GAB2: variants seen among roughly 807,000 people sequenced by gnomAD.
GAB2 encodes the protein GRB2-associated-binding protein 2.
A neutral mutation model predicts 65.5 loss-of-function variants in GAB2; 26 were observed. The ratio of observed to expected loss-of-function variants is 0.40; its 90% confidence interval spans 0.29 to 0.55. The LOEUF (loss-of-function observed/expected upper bound fraction) is 0.55, where lower values mean the gene tolerates loss of function less well. Among genes scored for constraint, GAB2 ranks in the 20% least tolerant of loss-of-function variants. The pLI is 0.53. For synonymous variants in GAB2, 321 were observed against 329.6 expected (o/e 0.97, Z 0.28); for missense variants, 884 against 875.8 (o/e 1.01, Z -0.12).
intron 1 of GAB2, among the ~76,000 whole-genome samples, chr11:78,331,902 C>T (rs1037095709): frequency 7.9e-5 from 12 of 152,036 alleles, no homozygotes; most frequent in Admixed American, 7.9e-4. Context: ...ATCCGGACCT[C>T]GTAAATGAAA....
At chr11:78,302,960 T>C (rs1021878630) in intron 1 of GAB2, among the ~76,000 whole-genome samples, 16 of 152,342 alleles carry the variant, frequency 1.1e-4, no homozygotes, top group Middle Eastern at 6.8e-3. Context: ...CCAAACATTG[T>C]ATGTTCTCAT....
At chr11:78,349,327 C>CA (rs1591057483) in intron 1 of GAB2, among the ~76,000 whole-genome samples, 1 of 151,962 alleles carries the variant, frequency 6.6e-6, no homozygotes, top group African/African-American at 2.4e-5. Context: ...AGTGGTATTG[C>CA]AAAAAACATT....
chr11:78,283,780 TCC>T (rs1446207315), intron 1 of GAB2, among the ~76,000 whole-genome samples: 1 of 152,074 alleles, frequency 6.6e-6, no homozygotes, highest in East Asian at 1.9e-4. Context: ...CTCTCAACTC[TCC>T]TTCTATCTAC....
intron 1 of GAB2, among the ~76,000 whole-genome samples, chr11:78,297,908 G>C (rs1399964024): frequency 6.6e-6 from 1 of 152,096 alleles, no homozygotes; most frequent in Non-Finnish European, 1.5e-5. Context: ...CAAATGCTTA[G>C]AAAAGCATTT....
chr11:78,322,998 A>G (rs1019387784), intron 1 of GAB2, among the ~76,000 whole-genome samples: 1 of 151,184 alleles, frequency 6.6e-6, no homozygotes, highest in African/African-American at 2.4e-5. Flanking sequence ...AAATTATTCT[A>G]CCAGAAAGAC....
chr11:78,325,143 TGTCAA>T (rs1241720003), intron 1 of GAB2, among the ~76,000 whole-genome samples: 2 of 152,226 alleles, frequency 1.3e-5, no homozygotes, highest in East Asian at 3.8e-4. Context: ...TTATCTTGTT[TGTCAA>T]GTCCCATCCA....
chr11:78,244,898 A>G (rs1192741625), intron 3 of GAB2, among the ~76,000 whole-genome samples: 2 of 152,216 alleles, frequency 1.3e-5, no homozygotes, highest in East Asian at 3.8e-4. Context: ...AAAACTAACA[A>G]TAGAACTACC....
chr11:78,299,852 G>C (rs935683246), intron 1 of GAB2, among the ~76,000 whole-genome samples: 2 of 152,182 alleles, frequency 1.3e-5, no homozygotes, highest in African/African-American at 4.8e-5. Flanking sequence ...GGAGCTATTG[G>C]AAAGGCTTTT....
Position 78,225,104 on chromosome 11 carries a change from T to G in GAB2, c.1302+4A>C. The G allele has an allele frequency of 6.2e-7, 1 of 1,601,902 alleles. No homozygotes were observed. The highest frequency in any genetic ancestry group is 1.3e-5 in the African/African-American group (1 of 74,682). On this transcript the variant is annotated splice_donor_region_variant and intron_variant, in intron 5 of 9. Coordinates refer to ENST00000361507, the MANE Select transcript of GAB2 (RefSeq NM_080491.3). ...TGAGGACCCTTGGGTTAACCCACAC[T>G]CACCAGGAAAGAGCCAACTCCATCA...
At position 78,216,464 on chromosome 11, in the gene GAB2, C is replaced by G. The variant is rs975364921; in HGVS notation, c.*2808G>C. On this transcript the variant is annotated 3_prime_UTR_variant, in exon 10 of 10. Coordinates refer to ENST00000361507, the MANE Select transcript of GAB2 (RefSeq NM_080491.3). The stretch of plus-strand genomic sequence containing the variant: ...GTGGAGGGTGGGGATATGCTAGATA[C>G]GGCTGGTAGTTTGGGGCCTGTGAGC... 1 of 152,160 alleles carries G rather than the reference C, an allele frequency of 6.6e-6. No homozygotes were observed. The highest frequency in any genetic ancestry group is 1.5e-5 in the Non-Finnish European group (1 of 68,030). The allele number at this position is 152,160 out of a possible 1,614,324, so 9.4% of individuals were successfully genotyped here. A position where few individuals can be genotyped will look rare whatever the true frequency, so the allele number is the denominator to read the frequency against.
intron 2 of GAB2, among the ~76,000 whole-genome samples, chr11:78,277,635 C>T (rs1418056327): frequency 6.6e-6 from 1 of 152,216 alleles, no homozygotes; most frequent in African/African-American, 2.4e-5. Context: ...CTCAAGTGGG[C>T]ATGTGTACAG....
intron 1 of GAB2, among the ~76,000 whole-genome samples, chr11:78,312,592 A>AT (rs1233378901): frequency 6.6e-6 from 1 of 151,668 alleles, no homozygotes. Flanking sequence ...TGCCCCGCTA[A>AT]TTTTTTTTGT....
intron 3 of GAB2, among the ~76,000 whole-genome samples, chr11:78,238,972 A>T (rs1865059081): frequency 6.6e-6 from 1 of 152,162 alleles, no homozygotes; most frequent in African/African-American, 2.4e-5. Context: ...CTTGAAATAG[A>T]TATTTCTCCA....
rs1445483254 is a variant in GAB2, at chr11:78,280,846, T to C, written c.131A>G (p.Asp44Gly). ...LRSGRMSGDP[D>G]VLEYYKNDHS... The stretch of plus-strand genomic sequence containing the variant: ...ATCGTTCTTGTAGTATTCCAGAACA[T>C]CTGGGTCACCGCTCATCCGGCCACT... Residue 44 changes from aspartate to glycine, a missense_variant, in exon 2 of 10, where the codon GAT (aspartate) becomes GGT (glycine). Asp to Gly is a moderately conservative substitution (Grantham distance 94). Coordinates refer to ENST00000361507, the MANE Select transcript of GAB2 (RefSeq NM_080491.3). The C allele has an allele frequency of 6.2e-7, 1 of 1,613,956 alleles. No individual in the cohort carries two copies. The highest frequency in any genetic ancestry group is 1.1e-5 in the South Asian group (1 of 91,090).
At chr11:78,372,520 A>G (rs1435330887) in intron 1 of GAB2, among the ~76,000 whole-genome samples, 1 of 152,224 alleles carries the variant, frequency 6.6e-6, no homozygotes, top group Non-Finnish European at 1.5e-5. Context: ...ACCCTTTAAA[A>G]GAATTTAAGA....
chr11:78,260,203 TC>T (rs1447325579), intron 2 of GAB2, among the ~76,000 whole-genome samples: 1 of 152,178 alleles, frequency 6.6e-6, no homozygotes, highest in Non-Finnish European at 1.5e-5. Flanking sequence ...CCATCCCCCT[TC>T]CAAGGGAAGA....
chr11:78,325,822 T>A (rs55683594), intron 1 of GAB2, among the ~76,000 whole-genome samples: 7,406 of 152,240 alleles, frequency 0.049, 576 homozygotes, highest in African/African-American at 0.17. Flanking sequence ...GCCAGTAGTA[T>A]TGCCACAAAT....
At chr11:78,264,825 A>T (rs540605116) in intron 2 of GAB2, among the ~76,000 whole-genome samples, 59 of 152,300 alleles carry the variant, frequency 3.9e-4, no homozygotes, top group Middle Eastern at 6.8e-3. Context: ...AAGGTTTTTG[A>T]GTTTGGGCAA....
intron 3 of GAB2, among the ~76,000 whole-genome samples, chr11:78,237,210 T>G (rs1865005941): frequency 6.6e-6 from 1 of 152,214 alleles, no homozygotes; most frequent in African/African-American, 2.4e-5. Flanking sequence ...AAAACAAATG[T>G]TTCTACAAAG....
Sources: allele counts gnomAD v4.1 joint callset (sites outside exome capture counted in the v4.1 genomes callset), GRCh38; gene constraint gnomAD v4.1.1; transcripts MANE v1.5; gene names NCBI Gene and HGNC (gene_info 2026-07-23, HGNC 2026-07-21).